The following MACROD2 variants were observed in gnomAD, a reference collection of about 807,000 sequenced individuals.
MACROD2 encodes the protein ADP-ribose glycohydrolase MACROD2.
A neutral mutation model predicts 70.4 loss-of-function variants in MACROD2; 36 were observed. That is an observed-to-expected ratio of 0.51 (90% CI 0.39 to 0.68). The LOEUF is 0.68. MACROD2 is among the 30% of genes least tolerant of loss of function. MACROD2 has a pLI of 0.00. For missense variants in MACROD2, 496 were observed against 538.4 expected, an observed-to-expected ratio of 0.92 and a Z score of 0.78; for synonymous variants, 172 against 178.8, an observed-to-expected ratio of 0.96 and a Z score of 0.30.
At chr20:14,744,620 A>G (rs2071776080) in intron 5 of MACROD2, among the ~76,000 whole-genome samples, 3 of 152,192 alleles carry the variant, frequency 2.0e-5, no homozygotes, top group Admixed American at 2.0e-4. Flanking sequence ...CTCCCACATC[A>G]GCTCTGGGTT....
At chr20:14,405,093 T>C (rs2083678316) in intron 3 of MACROD2, among the ~76,000 whole-genome samples, 1 of 152,154 alleles carries the variant, frequency 6.6e-6, no homozygotes, top group South Asian at 2.1e-4. Context: ...GTATCTAATA[T>C]GAAGTTCAAA....
chr20:15,387,373 C>A (rs866318785), intron 6 of MACROD2, among the ~76,000 whole-genome samples: 1,481 of 62,292 alleles, frequency 0.024, 11 homozygotes, highest in African/African-American at 0.047. Flanking sequence ...TCCCTTTCTT[C>A]CCTCTCTTCC....
chr20:14,756,825 G>A (rs1244169457), intron 5 of MACROD2, among the ~76,000 whole-genome samples: 1 of 152,108 alleles, frequency 6.6e-6, no homozygotes, highest in African/African-American at 2.4e-5. Flanking sequence ...GGTGGGACCA[G>A]GTGGAGATAA....
intron 6 of MACROD2, among the ~76,000 whole-genome samples, chr20:15,418,674 TAAC>T (rs1336945405): frequency 6.6e-6 from 1 of 152,190 alleles, no homozygotes; most frequent in Non-Finnish European, 1.5e-5. Flanking sequence ...GGATCCATAA[TAAC>T]CTCCACTTGG....
At chr20:15,835,763 T>G (rs936521379) in intron 8 of MACROD2, among the ~76,000 whole-genome samples, 2 of 152,222 alleles carry the variant, frequency 1.3e-5, no homozygotes, top group Non-Finnish European at 2.9e-5. Context: ...TAATGAGTTA[T>G]GACTCCAGGC....
intron 3 of MACROD2, among the ~76,000 whole-genome samples, chr20:14,155,787 TTAA>T (rs1216102478): frequency 6.6e-6 from 1 of 152,344 alleles, no homozygotes; most frequent in East Asian, 1.9e-4. Context: ...ATTTCTATTA[TTAA>T]TAATCAGCCT....
chr20:14,418,813 C>T (rs535545180), intron 3 of MACROD2, among the ~76,000 whole-genome samples: 4 of 152,268 alleles, frequency 2.6e-5, no homozygotes, highest in Non-Finnish European at 4.4e-5. Flanking sequence ...GTTACATGCA[C>T]TAGAATGTAG....
intron 6 of MACROD2, among the ~76,000 whole-genome samples, chr20:15,414,446 G>T (rs1338672222): frequency 1.7e-4 from 26 of 152,188 alleles, no homozygotes; most frequent in Admixed American, 1.7e-3. Context: ...ATTGACTGTG[G>T]TCTAAGCTGT....
At chr20:14,488,691 T>C (rs2084761742) in intron 3 of MACROD2, among the ~76,000 whole-genome samples, 1 of 152,220 alleles carries the variant, frequency 6.6e-6, no homozygotes, top group Non-Finnish European at 1.5e-5. Flanking sequence ...TTCTTCTGGG[T>C]CTGATCCTAG....
At chr20:15,297,249 A>G (rs2077598927) in intron 6 of MACROD2, among the ~76,000 whole-genome samples, 1 of 152,184 alleles carries the variant, frequency 6.6e-6, no homozygotes, top group Admixed American at 6.6e-5. Context: ...CACTCACCCA[A>G]ATAAGTGCTG....
At chr20:14,792,420 T>C (rs1241110791) in intron 5 of MACROD2, among the ~76,000 whole-genome samples, 4 of 152,126 alleles carry the variant, frequency 2.6e-5, no homozygotes, top group Non-Finnish European at 5.9e-5. Context: ...AAGATTTTAA[T>C]TGCATTCATT....
At chr20:14,196,116 C>T (rs1458403160) in intron 3 of MACROD2, among the ~76,000 whole-genome samples, 1 of 152,142 alleles carries the variant, frequency 6.6e-6, no homozygotes, top group Non-Finnish European at 1.5e-5. Context: ...AGCAGTGGGG[C>T]ACTGAAGAAA....
chr20:15,672,988 G>T (rs2050003409), intron 8 of MACROD2, among the ~76,000 whole-genome samples: 1 of 152,156 alleles, frequency 6.6e-6, no homozygotes, highest in Admixed American at 6.6e-5. Flanking sequence ...CACCATGTAA[G>T]ACATGCCTTT....
intron 3 of MACROD2, among the ~76,000 whole-genome samples, chr20:14,424,548 C>A (rs544942232): frequency 6.6e-6 from 1 of 152,102 alleles, no homozygotes; most frequent in Non-Finnish European, 1.5e-5. Context: ...GGGTGATTGT[C>A]AAATTTCTTC....
intron 3 of MACROD2, among the ~76,000 whole-genome samples, chr20:14,261,370 T>C (rs575825777): frequency 1.3e-5 from 2 of 152,310 alleles, no homozygotes; most frequent in African/African-American, 2.4e-5. Flanking sequence ...AAAATCTATC[T>C]TTTTTCTACT....
chr20:14,364,372 T>TTGG (rs1652507458), intron 3 of MACROD2, among the ~76,000 whole-genome samples: 2 of 152,186 alleles, frequency 1.3e-5, no homozygotes, highest in African/African-American at 4.8e-5. Context: ...CTTACAAAGG[T>TTGG]TTAGTTTTGC....
At chr20:14,786,182 G>A (rs1245869910) in intron 5 of MACROD2, among the ~76,000 whole-genome samples, 1 of 147,014 alleles carries the variant, frequency 6.8e-6, no homozygotes, top group Non-Finnish European at 1.5e-5. Flanking sequence ...TGTTGATAGT[G>A]TTTGGTTCAC....
chr20:14,580,026 C>T (rs1449312500), intron 4 of MACROD2, among the ~76,000 whole-genome samples: 1 of 152,022 alleles, frequency 6.6e-6, no homozygotes, highest in African/African-American at 2.4e-5. Context: ...ATTTACAAAG[C>T]AACTGAACAA....
At chr20:14,014,604 C>T (rs2052960862) in intron 2 of MACROD2, among the ~76,000 whole-genome samples, 3 of 151,896 alleles carry the variant, frequency 2.0e-5, no homozygotes, top group Non-Finnish European at 2.9e-5. Context: ...AGTTTCCACC[C>T]CTTAATATCG....
Sources: gnomAD v4.1 joint callset for allele counts (sites outside exome capture counted in the v4.1 genomes callset) on GRCh38, gnomAD v4.1.1 for gene constraint, MANE v1.5 for transcripts, NCBI Gene and HGNC (gene_info 2026-07-23, HGNC 2026-07-21) for gene names.